Variants in TBX19 observed in about 807,000 individuals in gnomAD.
The protein encoded by TBX19 is T-box transcription factor 19.
In TBX19, 33 loss-of-function variants were observed where a neutral mutation model predicts 40.9. The ratio of observed to expected loss-of-function variants is 0.81; its 90% CI spans 0.61 to 1.08. The LOEUF (loss-of-function observed/expected upper bound fraction) is 1.08. Among genes scored for constraint, TBX19 ranks in the 50% least tolerant of loss-of-function variants. The probability of loss-of-function intolerance (pLI) is 0.00; values close to 1 mark genes in which losing one functional copy is unlikely to be tolerated. For synonymous variants in TBX19, 220 were observed against 225.0 expected (o/e 0.98, Z 0.20); for missense variants, 494 against 574.0 (o/e 0.86, Z 1.42).
intron 5 of TBX19, among the ~76,000 whole-genome samples, chr1:168,303,717 A>T (rs1397782008): frequency 1.3e-5 from 2 of 152,230 alleles, no homozygotes; most frequent in Admixed American, 6.5e-5. Context: ...TGGATTATTC[A>T]TAAGTTTTTC....
chr1:168,297,792 AAAG>A lies in TBX19; in HGVS notation c.665+10_665+12del. Reference sequence around the variant, plus strand: ...TCTTGGATGCCAAGGAAAGGTAAGTAAAGAAATTTTAGTGAAATCTTCTAATGA... The same window carrying A: ...TCTTGGATGCCAAGGAAAGGTAAGTAAAATTTTAGTGAAATCTTCTAATGA... On this transcript the variant is annotated splice_region_variant and intron_variant, in intron 4 of 7. Coordinates refer to ENST00000367821, the MANE Select transcript of TBX19 (RefSeq NM_005149.3). 1.9e-6 allele frequency: 3 copies of A among 1,611,424 alleles called. No homozygotes were observed. The highest frequency in any genetic ancestry group is 2.5e-6 in the Non-Finnish European group (3 of 1,177,774).
At chr1:168,290,371 G>T (rs1260248665) in intron 1 of TBX19, among the ~76,000 whole-genome samples, 1 of 152,176 alleles carries the variant, frequency 6.6e-6, no homozygotes, top group African/African-American at 2.4e-5. Flanking sequence ...CTCATAAAAT[G>T]CTTAGTTAAA....
chr1:168,299,667 C>T (rs1649226511), intron 4 of TBX19, among the ~76,000 whole-genome samples: 1 of 152,006 alleles, frequency 6.6e-6, no homozygotes, highest in African/African-American at 2.4e-5. Context: ...GAGACAGGGG[C>T]TCTCAGTATG....
chr1:168,293,284 AGTGTGTGTGTGT>A lies in TBX19; in HGVS notation c.603+37_603+48del, dbSNP rs57039241. The A allele has an allele frequency of 1.2e-4, 153 of 1,321,834 alleles. 1 individual carries two copies. The highest frequency in any genetic ancestry group is 6.4e-4 in the Middle Eastern group (3 of 4,704). The allele number at this position is 1,321,834 out of a possible 1,614,324, so 81.9% of individuals were successfully genotyped here. ...CTGCCTATCAGAATGAGGAGGTAAG[AGTGTGTGTGTGT>A]GTGTGTGTGTGTGTGTGTGTGTGTG... On this transcript the variant is annotated splice_region_variant and intron_variant, in intron 3 of 7. Coordinates refer to ENST00000367821, the MANE Select transcript of TBX19 (RefSeq NM_005149.3).
intron 1 of TBX19, among the ~76,000 whole-genome samples, chr1:168,288,112 C>A (rs1015655486): frequency 6.6e-6 from 1 of 152,102 alleles, no homozygotes; most frequent in African/African-American, 2.4e-5. Context: ...TGTTTCCAGG[C>A]CCCTGCAAAT....
chr1:168,313,254 G>T lies in TBX19; in HGVS notation c.*252G>T. 1 of 564,206 alleles carries T rather than the reference G, an allele frequency of 1.8e-6. No individual in the cohort carries two copies. The allele number at this position is 564,206 out of a possible 1,614,324, so 34.9% of individuals were successfully genotyped here. A position where few individuals can be genotyped will look rare whatever the true frequency, so the allele number is the denominator to read the frequency against. The stretch of plus-strand genomic sequence containing the variant: ...CAGCTTATTCTTGCCATGCTTAGGT[G>T]ACAGAAGTTTGTTAAGTACCATCCT... On this transcript the variant is annotated 3_prime_UTR_variant, in exon 8 of 8. Transcript: ENST00000367821.
chr1:168,301,303 C>T (rs1040236701), intron 5 of TBX19, among the ~76,000 whole-genome samples: 2 of 151,882 alleles, frequency 1.3e-5, no homozygotes, highest in African/African-American at 4.8e-5. Flanking sequence ...CGCTCTGTTG[C>T]CCAGGCTGGA....
intron 1 of TBX19, among the ~76,000 whole-genome samples, chr1:168,287,959 C>T (rs760228268): frequency 1.3e-5 from 2 of 151,370 alleles, no homozygotes; most frequent in Non-Finnish European, 2.9e-5. Flanking sequence ...CCAGTTTCCT[C>T]ATCTATAAAA....
Position 168,284,768 on chromosome 1 carries a change from C to CAA in TBX19, c.203+3499_203+3500dup, listed in dbSNP as rs146281397. 1.3e-3 allele frequency among the ~76,000 whole-genome samples: 100 copies of CAA among 74,932 alleles called. 1 individual carries two copies. Among genetic ancestry groups the CAA allele is most frequent in the African/African-American group, 2.0e-3 (39 of 19,124 alleles). The allele number at this position is 74,932 out of a possible 152,430, so 49.2% of individuals were successfully genotyped here. A position where few individuals can be genotyped will look rare whatever the true frequency, so the allele number is the denominator to read the frequency against. On this transcript the variant is annotated intron_variant, in intron 1 of 7. Transcript: ENST00000367821. Reference sequence around the variant, plus strand: ...TGGGCAACAGAGTGAGACCGTGTCTCAAAAAAAAAAAAAAAAAAAAAAAAA... The same window carrying CAA: ...TGGGCAACAGAGTGAGACCGTGTCTCAAAAAAAAAAAAAAAAAAAAAAAAAAA...
At chr1:168,284,916 C>T (rs957438672) in intron 1 of TBX19, among the ~76,000 whole-genome samples, 8 of 151,602 alleles carry the variant, frequency 5.3e-5, no homozygotes, top group South Asian at 2.1e-4. Flanking sequence ...CGATTAGTTT[C>T]GATGATTCAC....
intron 3 of TBX19, among the ~76,000 whole-genome samples, chr1:168,296,863 C>T (rs1054511332): frequency 2.1e-5 from 3 of 145,804 alleles, no homozygotes; most frequent in Non-Finnish European, 3.0e-5. Context: ...GCAAGACTCC[C>T]GTCTCAAAAA....
intron 3 of TBX19, among the ~76,000 whole-genome samples, chr1:168,296,861 C>T (rs1382775918): frequency 2.0e-5 from 3 of 146,536 alleles, no homozygotes; most frequent in Non-Finnish European, 4.4e-5. Context: ...GAGCAAGACT[C>T]CCGTCTCAAA....
chr1:168,313,090 G>A lies in TBX19; in HGVS notation c.*88G>A, dbSNP rs980005154. The A allele has an allele frequency of 8.6e-6, 13 of 1,519,386 alleles. No homozygotes were observed. The highest frequency in any genetic ancestry group is 1.4e-5 in the African/African-American group (1 of 72,932). The allele number at this position is 1,519,386 out of a possible 1,614,324, so 94.1% of individuals were successfully genotyped here. ...ATCAACTGATCTAGTGAGTCAGACT[G>A]TGGAATCTCCCTTCCCACTAGCTGG... On this transcript the variant is annotated 3_prime_UTR_variant, in exon 8 of 8. Coordinates refer to ENST00000367821, the MANE Select transcript of TBX19 (RefSeq NM_005149.3).
chr1:168,281,261 C>T lies in TBX19; in HGVS notation c.171C>T (p.Val57=), dbSNP rs1572470584. 1 of 1,614,122 alleles carries T rather than the reference C, an allele frequency of 6.2e-7. No individual in the cohort carries two copies. Among genetic ancestry groups the T allele is most frequent in the South Asian group, 1.1e-5 (1 of 91,076 alleles). ...CTCTCTGGCAGAGATTCAAGGAAGT[C>T]ACTAATGAGATGATTGTGACCAAGA... ...DAPLWQRFKE[V]TNEMIVTKNG... The change falls in exon 1 of 8, where the codon GTC becomes GTT. Residue 57 remains valine, a synonymous_variant. Transcript: ENST00000367821.
chr1:168,296,057 C>T (rs554329837), intron 3 of TBX19, among the ~76,000 whole-genome samples: 1 of 152,342 alleles, frequency 6.6e-6, no homozygotes, highest in South Asian at 2.1e-4. Flanking sequence ...GCCCCAGTGC[C>T]TCCCTCTGCC....
At chr1:168,281,417 A>T in intron 1 of TBX19, 124 bp downstream of exon 1, 1 of 879,670 alleles carries the variant, frequency 1.1e-6, no homozygotes, top group South Asian at 1.4e-5. Flanking sequence ...ACATGCTTAC[A>T]GGAACGACTG....
At chr1:168,303,188 C>G (rs1416571280) in intron 5 of TBX19, among the ~76,000 whole-genome samples, 3 of 152,130 alleles carry the variant, frequency 2.0e-5, no homozygotes, top group African/African-American at 7.2e-5. Flanking sequence ...CTATCCCTCC[C>G]CACTCCCACT....
chr1:168,294,892 A>G (rs564168524), intron 3 of TBX19, among the ~76,000 whole-genome samples: 27 of 152,330 alleles, frequency 1.8e-4, no homozygotes, highest in African/African-American at 6.3e-4. Flanking sequence ...ACAGATAGAC[A>G]TGGCCAAATT....
Position 168,300,784 on chromosome 1 carries a change from G to A in TBX19, c.727+301G>A, listed in dbSNP as rs76789015. Among the ~76,000 whole-genome samples the A allele has an allele frequency of 1.3e-4, 20 of 152,208 alleles. No individual in the cohort carries two copies. The East Asian group carries it at 3.7e-3, about 28-fold the overall frequency. ...TCTGAGCCCTCAACAGTGTGTTCTCGGCTTGCCTCCTAACGTTATGCTTGC... is the reference window on the plus strand; with the variant it reads ...TCTGAGCCCTCAACAGTGTGTTCTCAGCTTGCCTCCTAACGTTATGCTTGC... On this transcript the variant is annotated intron_variant, in intron 5 of 7. Coordinates refer to ENST00000367821, the MANE Select transcript of TBX19 (RefSeq NM_005149.3).
Sources: allele counts gnomAD v4.1 joint callset (sites outside exome capture counted in the v4.1 genomes callset), GRCh38; gene constraint gnomAD v4.1.1; transcripts MANE v1.5; gene names NCBI Gene and HGNC (gene_info 2026-07-23, HGNC 2026-07-21).